The following MCTP1 variants were observed in gnomAD, a reference collection of about 807,000 sequenced individuals.
MCTP1 encodes the protein multiple C2 and transmembrane domain-containing protein 1.
MCTP1 carries 69 observed loss-of-function variants against 120.6 expected under a neutral mutation model. That is an observed-to-expected ratio of 0.57 (90% CI 0.47 to 0.70). The LOEUF is 0.70. Ranked by LOEUF, MCTP1 falls within the 30% of genes least tolerant of loss-of-function variation. The pLI is 0.00. For synonymous variants in MCTP1, 529 were observed against 493.1 expected (o/e 1.07, Z -0.96); for missense variants, 1,203 against 1,248.8 (o/e 0.96, Z 0.55).
At chr5:95,275,443 G>A (rs1388445085) in intron 1 of MCTP1, among the ~76,000 whole-genome samples, 1 of 152,122 alleles carries the variant, frequency 6.6e-6, no homozygotes, top group Non-Finnish European at 1.5e-5. Flanking sequence ...AACCCTCTTG[G>A]CTCCTTGTCT....
chr5:95,139,943 T>A (rs1053501560), intron 1 of MCTP1, among the ~76,000 whole-genome samples: 5 of 152,184 alleles, frequency 3.3e-5, no homozygotes, highest in African/African-American at 1.2e-4. Context: ...CAGAAAAACA[T>A]CAAAATCATT....
intron 17 of MCTP1, among the ~76,000 whole-genome samples, chr5:94,854,592 G>A (rs1216342665): frequency 6.6e-6 from 1 of 151,686 alleles, no homozygotes; most frequent in African/African-American, 2.4e-5. Context: ...GACAATTACC[G>A]AGCTCGCTGA....
chr5:95,284,074 A>T lies in MCTP1; in HGVS notation c.502T>A (p.Ser168Thr). ...SSSSASSSLSSSPQPPPRGDR... is the reference protein window; with the variant it reads ...SSSSASSSLSTSPQPPPRGDR... Reference sequence around the variant, plus strand: ...CCCCTCGGGGGAGGCTGGGGCGAGGAGGACAGGGAGGATGAGGCGGAGGAA... The same window carrying T: ...CCCCTCGGGGGAGGCTGGGGCGAGGTGGACAGGGAGGATGAGGCGGAGGAA... Residue 168 changes from serine (S) to threonine (T), a missense_variant, in exon 1 of 23, where the codon TCC becomes ACC. Ser to Thr is a moderately conservative substitution (Grantham distance 58). Transcript: ENST00000515393. The surrounding 1 kb of genome is among the most constrained non-coding windows in gnomAD (Gnocchi z 5.2). 6.5e-7 allele frequency: 1 copy of T among 1,543,310 alleles called. No homozygotes were observed. The highest frequency in any genetic ancestry group is 8.7e-7 in the Non-Finnish European group (1 of 1,144,188).
chr5:94,750,898 A>T (rs1259307539), intron 19 of MCTP1, among the ~76,000 whole-genome samples: 1 of 152,186 alleles, frequency 6.6e-6, no homozygotes, highest in Non-Finnish European at 1.5e-5. Context: ...GCTAGCAGGA[A>T]ATATCCAAGT....
intron 2 of MCTP1, among the ~76,000 whole-genome samples, chr5:94,999,119 T>C (rs895957935): frequency 6.6e-6 from 1 of 152,248 alleles, no homozygotes; most frequent in Non-Finnish European, 1.5e-5. Context: ...GTATACTTTA[T>C]ATTATCCAAT....
At chr5:95,072,839 G>A (rs183142705) in intron 1 of MCTP1, among the ~76,000 whole-genome samples, 228 of 137,382 alleles carry the variant, frequency 1.7e-3, no homozygotes, top group African/African-American at 5.6e-3. Context: ...TCTGCCTCCC[G>A]GGTTCACGCC....
At chr5:95,027,154 G>C (rs1839406871) in intron 1 of MCTP1, among the ~76,000 whole-genome samples, 1 of 152,200 alleles carries the variant, frequency 6.6e-6, no homozygotes, top group African/African-American at 2.4e-5. Flanking sequence ...AATTGATTAA[G>C]TGACTTTAAA....
chr5:95,048,511 A>G lies in MCTP1; in HGVS notation c.721-31027T>C, dbSNP rs141986616. 3.2e-4 allele frequency among the ~76,000 whole-genome samples: 49 copies of G among 152,316 alleles called. 1 individual carries two copies. In the East Asian group the frequency reaches 6.4e-3, roughly 20 times the overall value. On this transcript the variant is annotated intron_variant, in intron 1 of 22. Coordinates refer to ENST00000515393, the MANE Select transcript of MCTP1 (RefSeq NM_024717.7). ...CCCTGAGGAAAGATGAGAAGCTACTAAAATGGATAAATCTTGTCAGAAGGT... is the reference window on the plus strand; with the variant it reads ...CCCTGAGGAAAGATGAGAAGCTACTGAAATGGATAAATCTTGTCAGAAGGT...
chr5:95,078,898 G>A (rs1754252255), intron 1 of MCTP1, among the ~76,000 whole-genome samples: 1 of 152,054 alleles, frequency 6.6e-6, no homozygotes, highest in Admixed American at 6.6e-5. Flanking sequence ...TTCATAAATA[G>A]TTATTATACA....
chr5:94,868,191 C>T (rs1797179440), intron 17 of MCTP1, 142 bp downstream of exon 17: 4 of 728,080 alleles, frequency 5.5e-6, no homozygotes, highest in Non-Finnish European at 5.9e-6. Context: ...TTCCTGCCCA[C>T]GGCAAATCTG....
At chr5:95,179,732 G>C (rs1582456973) in intron 1 of MCTP1, among the ~76,000 whole-genome samples, 1 of 152,236 alleles carries the variant, frequency 6.6e-6, no homozygotes, top group South Asian at 2.1e-4. Context: ...CCTCCTTAAA[G>C]CATAAATCTC....
intron 5 of MCTP1, among the ~76,000 whole-genome samples, 172 bp downstream of exon 5, chr5:94,939,912 G>T (rs1293793676): frequency 1.3e-5 from 2 of 152,136 alleles, no homozygotes; most frequent in South Asian, 4.1e-4. Flanking sequence ...TAGGAAATTA[G>T]AGTTGAAAAG....
intron 1 of MCTP1, among the ~76,000 whole-genome samples, chr5:95,235,845 G>A (rs1228771007): frequency 1.3e-5 from 2 of 152,176 alleles, no homozygotes; most frequent in Non-Finnish European, 2.9e-5. Context: ...AACCTTGTAA[G>A]AGCTGGAGTA....
At chr5:95,191,001 C>T (rs556749803) in intron 1 of MCTP1, among the ~76,000 whole-genome samples, 1 of 151,888 alleles carries the variant, frequency 6.6e-6, no homozygotes, top group African/African-American at 2.4e-5. Context: ...AAGACTTGTA[C>T]AATTAAATAA....
intron 1 of MCTP1, among the ~76,000 whole-genome samples, chr5:95,217,022 G>A (rs1016905931): frequency 1.3e-5 from 2 of 152,130 alleles, no homozygotes; most frequent in Admixed American, 6.5e-5. Context: ...CGTATATACA[G>A]CCCTAGTGGA....
intron 17 of MCTP1, among the ~76,000 whole-genome samples, chr5:94,837,785 T>C (rs1790159310): frequency 1.3e-5 from 2 of 152,206 alleles, no homozygotes; most frequent in African/African-American, 4.8e-5. Context: ...AGTCATCTCT[T>C]AAAGTAGAAT....
At chr5:94,765,570 A>G (rs1271040531) in intron 19 of MCTP1, among the ~76,000 whole-genome samples, 5 of 152,030 alleles carry the variant, frequency 3.3e-5, no homozygotes, top group Non-Finnish European at 5.9e-5. Context: ...GTATGGTGGC[A>G]TGTGCCTGTA....
rs1755495112 is a variant in MCTP1, at chr5:95,235,923, T to C, written c.720+47933A>G. Among the ~76,000 whole-genome samples the C allele has an allele frequency of 2.0e-5, 3 of 152,286 alleles. No individual in the cohort carries two copies. In the South Asian group the frequency reaches 6.2e-4, roughly 32 times the overall value. On this transcript the variant is annotated intron_variant, in intron 1 of 22. Transcript: ENST00000515393. Reference sequence around the variant, plus strand: ...ACTGTGAAATAATACATATCTATTGTTTATGTCACTAAGTTTAATAATTAA... The same window carrying C: ...ACTGTGAAATAATACATATCTATTGCTTATGTCACTAAGTTTAATAATTAA...
At chr5:94,917,339 G>C (rs944173732) in intron 8 of MCTP1, among the ~76,000 whole-genome samples, 1 of 152,284 alleles carries the variant, frequency 6.6e-6, no homozygotes, top group African/African-American at 2.4e-5. Flanking sequence ...AAGAAAAAAG[G>C]CAGGAAGAAT....
Sources: allele counts gnomAD v4.1 joint callset (sites outside exome capture counted in the v4.1 genomes callset), GRCh38; gene constraint gnomAD v4.1.1; non-coding constraint Gnocchi (gnomAD v3.1); transcripts MANE v1.5; gene names NCBI Gene and HGNC (gene_info 2026-07-23, HGNC 2026-07-21).